GRIP1: variants seen among roughly 807,000 people sequenced by gnomAD.
GRIP1 encodes glutamate receptor interacting protein 1.
A neutral mutation model predicts 129.9 loss-of-function variants in GRIP1; 45 were observed. That is an observed-to-expected ratio of 0.35 (90% CI 0.27 to 0.44). GRIP1 has a LOEUF of 0.44. GRIP1 is among the 20% of genes least tolerant of loss of function. The pLI, the probability that GRIP1 is intolerant of heterozygous loss-of-function variation, is 1.00. For synonymous variants in GRIP1, 530 were observed against 520.8 expected (o/e 1.02, Z -0.24); for missense variants, 1,196 against 1,396.8 (o/e 0.86, Z 2.29).
chr12:66,876,101 G>C (rs1185995172), intron 1 of GRIP1, among the ~76,000 whole-genome samples: 1 of 151,798 alleles, frequency 6.6e-6, no homozygotes, highest in Non-Finnish European at 1.5e-5. Flanking sequence ...AGAAAAGTAT[G>C]AGCACTTAAA....
At chr12:67,015,644 A>C (rs2042775025) in intron 1 of GRIP1, among the ~76,000 whole-genome samples, 1 of 152,192 alleles carries the variant, frequency 6.6e-6, no homozygotes, top group African/African-American at 2.4e-5. Flanking sequence ...TCAAATACCC[A>C]AAGCGATGCA....
intron 1 of GRIP1, among the ~76,000 whole-genome samples, chr12:67,020,711 G>A (rs1489612108): frequency 6.6e-6 from 1 of 152,024 alleles, no homozygotes; most frequent in African/African-American, 2.4e-5. Flanking sequence ...AAACCAATAA[G>A]AGTAAGCCCA....
chr12:66,352,369 C>T (rs1188181182), intron 24 of GRIP1, among the ~76,000 whole-genome samples: 1 of 152,088 alleles, frequency 6.6e-6, no homozygotes, highest in East Asian at 1.9e-4. Context: ...AAGCTCAGGG[C>T]ACAGCAGGTG....
At chr12:66,665,139 C>T (rs2033725343) in intron 1 of GRIP1, among the ~76,000 whole-genome samples, 1 of 152,168 alleles carries the variant, frequency 6.6e-6, no homozygotes, top group East Asian at 1.9e-4. Context: ...ACCTCAGTCT[C>T]CCAGGTAACT....
At chr12:66,490,076 T>C (rs1175515770) in intron 7 of GRIP1, among the ~76,000 whole-genome samples, 1 of 152,166 alleles carries the variant, frequency 6.6e-6, no homozygotes, top group Admixed American at 6.5e-5. Context: ...ATAGATTCAA[T>C]GTTATTCCCA....
At chr12:66,369,761 GC>G (rs1375370450) in intron 23 of GRIP1, among the ~76,000 whole-genome samples, 1 of 152,182 alleles carries the variant, frequency 6.6e-6, no homozygotes, top group African/African-American at 2.4e-5. Flanking sequence ...GCAGGTGCCA[GC>G]CGTCTTCTTG....
chr12:66,587,989 T>C (rs183619488), intron 2 of GRIP1, among the ~76,000 whole-genome samples: 52 of 152,144 alleles, frequency 3.4e-4, no homozygotes, highest in African/African-American at 1.2e-3. Context: ...AATTTGTGTA[T>C]CACTTATATA....
At chr12:66,515,584 T>C in intron 7 of GRIP1, 35 bp downstream of exon 7, 1 of 1,589,480 alleles carries the variant, frequency 6.3e-7, no homozygotes, top group Non-Finnish European at 8.6e-7. Flanking sequence ...GACGTTCTGG[T>C]GCTTAGAGAT....
chr12:66,743,453 A>G (rs1400957439), intron 1 of GRIP1, among the ~76,000 whole-genome samples: 1 of 152,130 alleles, frequency 6.6e-6, no homozygotes, highest in African/African-American at 2.4e-5. Flanking sequence ...TCAGAAGCCA[A>G]GGTATGACTG....
At chr12:66,959,203 T>TGTTTAAGGGCAGGCCTACCA (rs2041887414) in intron 1 of GRIP1, among the ~76,000 whole-genome samples, 1 of 152,204 alleles carries the variant, frequency 6.6e-6, no homozygotes, top group Admixed American at 6.5e-5. Flanking sequence ...AATGTGTCAT[T>TGTTTAAGGGCAGGCCTACCA]TATCTCCTAA....
At chr12:66,947,115 T>A (rs2041684464) in intron 1 of GRIP1, among the ~76,000 whole-genome samples, 1 of 151,836 alleles carries the variant, frequency 6.6e-6, no homozygotes, top group Non-Finnish European at 1.5e-5. Flanking sequence ...GGCAGGAAGC[T>A]TATCTCCGCA....
intron 1 of GRIP1, among the ~76,000 whole-genome samples, chr12:66,893,732 G>A (rs2040699775): frequency 6.6e-6 from 1 of 152,182 alleles, no homozygotes; most frequent in African/African-American, 2.4e-5. Flanking sequence ...ACCCAGCAAT[G>A]TGATTGCAGA....
chr12:66,372,196 G>A, intron 22 of GRIP1: 1 of 548,632 alleles, frequency 1.8e-6, no homozygotes, highest in Non-Finnish European at 3.3e-6. Flanking sequence ...CAGTTTTGAG[G>A]CAAATTGAAA....
intron 14 of GRIP1, among the ~76,000 whole-genome samples, chr12:66,425,524 G>T (rs540718599): frequency 3.6e-4 from 55 of 152,232 alleles, no homozygotes; most frequent in Middle Eastern, 3.4e-3. Flanking sequence ...ACATGCACAC[G>T]TATGTTTATT....
chr12:66,904,851 C>T (rs1466915194), intron 1 of GRIP1, among the ~76,000 whole-genome samples: 1 of 150,734 alleles, frequency 6.6e-6, no homozygotes, highest in Non-Finnish European at 1.5e-5. Context: ...AAGATTGCGC[C>T]ACTGCACTCC....
chr12:66,819,762 T>G (rs2039285804), intron 1 of GRIP1, among the ~76,000 whole-genome samples: 1 of 152,172 alleles, frequency 6.6e-6, no homozygotes, highest in South Asian at 2.1e-4. Context: ...GCTAACAAAC[T>G]GAATCAACAA....
At chr12:66,930,051 CTCTCTTT>C (rs2041362991) in intron 1 of GRIP1, among the ~76,000 whole-genome samples, 1 of 129,052 alleles carries the variant, frequency 7.7e-6, no homozygotes, top group African/African-American at 2.9e-5. Context: ...CTCTCTCTCT[CTCTCTTT>C]TTTTTTTTTT....
chr12:66,812,118 C>T (rs913111705), intron 1 of GRIP1, among the ~76,000 whole-genome samples: 2 of 152,084 alleles, frequency 1.3e-5, no homozygotes, highest in Non-Finnish European at 2.9e-5. Context: ...TTCTGCCTCT[C>T]CTTTTTACTT....
At chr12:67,016,899 G>A (rs927627818) in intron 1 of GRIP1, among the ~76,000 whole-genome samples, 2 of 152,040 alleles carry the variant, frequency 1.3e-5, no homozygotes, top group Admixed American at 6.6e-5. Flanking sequence ...TTCAATCAAA[G>A]GTTAGTAAAA....
Sources: gnomAD v4.1 joint callset for allele counts (sites outside exome capture counted in the v4.1 genomes callset) on GRCh38, gnomAD v4.1.1 for gene constraint, MANE v1.5 for transcripts, NCBI Gene and HGNC (gene_info 2026-07-23, HGNC 2026-07-21) for gene names.